SRPK2: variants seen among roughly 807,000 people sequenced by gnomAD.
The protein encoded by SRPK2 is SFRS protein kinase 2.
Under a neutral mutation model 90.8 loss-of-function variants are expected in SRPK2, and 21 were observed. That is an observed-to-expected ratio of 0.23 (90% CI 0.16 to 0.33). SRPK2 has a LOEUF of 0.33. SRPK2 is among the 10% of genes least tolerant of loss of function. The pLI is 1.00. For missense variants in SRPK2, 620 were observed against 869.0 expected (o/e 0.71, Z 3.60); for synonymous variants, 288 against 311.1 (o/e 0.93, Z 0.78).
At chr7:105,193,065 T>A (rs930437327) in intron 3 of SRPK2, among the ~76,000 whole-genome samples, 3 of 152,230 alleles carry the variant, frequency 2.0e-5, no homozygotes, top group African/African-American at 7.2e-5. Context: ...GTATTTAACT[T>A]TGTTTTGATC....
intron 2 of SRPK2, among the ~76,000 whole-genome samples, chr7:105,262,846 G>A (rs938723728): frequency 2.0e-5 from 3 of 152,100 alleles, no homozygotes; most frequent in African/African-American, 7.2e-5. Context: ...GGAAAGGTAA[G>A]AGAAGGAAAA....
chr7:105,347,540 T>TGAGGGG (rs983940780), intron 2 of SRPK2, among the ~76,000 whole-genome samples: 3 of 151,548 alleles, frequency 2.0e-5, no homozygotes, highest in African/African-American at 7.3e-5. Context: ...AGCCGAAGAA[T>TGAGGGG]GAGGGGGAGG....
intron 2 of SRPK2, among the ~76,000 whole-genome samples, chr7:105,314,815 G>A (rs950497337): frequency 3.3e-5 from 5 of 152,144 alleles, no homozygotes; most frequent in East Asian, 3.8e-4. Flanking sequence ...CATAAATGTC[G>A]AATAATGAGA....
chr7:105,225,719 A>T (rs1433965009), intron 2 of SRPK2, among the ~76,000 whole-genome samples: 1 of 152,222 alleles, frequency 6.6e-6, no homozygotes, highest in Non-Finnish European at 1.5e-5. Context: ...TAGAGAAAAT[A>T]GTAAATAAAT....
intron 4 of SRPK2, among the ~76,000 whole-genome samples, chr7:105,168,554 T>C (rs1374426943): frequency 6.6e-6 from 1 of 152,140 alleles, no homozygotes; most frequent in African/African-American, 2.4e-5. Flanking sequence ...ACTTTTCAAA[T>C]GGTGGGGCCA....
intron 2 of SRPK2, among the ~76,000 whole-genome samples, chr7:105,248,772 T>C (rs563178384): frequency 6.6e-6 from 1 of 151,870 alleles, no homozygotes; most frequent in African/African-American, 2.4e-5. Context: ...AAACCCCGTC[T>C]CTACTAAAAA....
At chr7:105,319,439 A>C (rs1039778727) in intron 2 of SRPK2, among the ~76,000 whole-genome samples, 4 of 127,506 alleles carry the variant, frequency 3.1e-5, no homozygotes, top group Non-Finnish European at 4.7e-5. Flanking sequence ...TAAGAAACAT[A>C]CTGGTGATTA....
chr7:105,265,411 A>AT (rs764902792), intron 2 of SRPK2, among the ~76,000 whole-genome samples: 10 of 152,160 alleles, frequency 6.6e-5, no homozygotes, highest in Non-Finnish European at 1.5e-4. Flanking sequence ...ACCATTTTAC[A>AT]TGAAGGACTT....
At chr7:105,254,642 TTATCGTTGAAG>T (rs1802974898) in intron 2 of SRPK2, among the ~76,000 whole-genome samples, 2 of 152,004 alleles carry the variant, frequency 1.3e-5, no homozygotes, top group Admixed American at 1.3e-4. Context: ...GGTGATGATG[TTATCGTTGAAG>T]TACATCTGCT....
intron 2 of SRPK2, among the ~76,000 whole-genome samples, chr7:105,327,110 C>T (rs188262070): frequency 6.6e-6 from 1 of 152,066 alleles, no homozygotes; most frequent in Non-Finnish European, 1.5e-5. Flanking sequence ...CAAAAGAGCC[C>T]CGATAATGAG....
At chr7:105,383,608 C>CG (rs924051576) in intron 2 of SRPK2, among the ~76,000 whole-genome samples, 7 of 150,956 alleles carry the variant, frequency 4.6e-5, no homozygotes, top group Non-Finnish European at 8.8e-5. Flanking sequence ...TTAGTAGAGA[C>CG]GGGGTTTCAC....
At position 105,187,735 on chromosome 7, in the gene SRPK2, G is replaced by A. The variant is rs543233771; in HGVS notation, c.229+15893C>T. 5.9e-5 allele frequency among the ~76,000 whole-genome samples: 9 copies of A among 152,284 alleles called. No homozygotes were observed. The East Asian group carries it at 1.2e-3, about 20-fold the overall frequency. ...TTTTGGTGTGGGTGTCTGACCAGAC[G>A]TTCAGGTTTAAAGTCTCATGGTGAA... On this transcript the variant is annotated intron_variant, in intron 3 of 15. Transcript: ENST00000393651.
At chr7:105,375,983 CTTTTTTTTTTT>C (rs34445430) in intron 2 of SRPK2, among the ~76,000 whole-genome samples, 5 of 63,144 alleles carry the variant, frequency 7.9e-5, no homozygotes, top group Non-Finnish European at 1.4e-4. Flanking sequence ...GAATTCATTT[CTTTTTTTTTTT>C]TTTTTTTTTT....
At position 105,160,263 on chromosome 7, in the gene SRPK2, AC is replaced by A. The variant is rs1018661737; in HGVS notation, c.621+243del. On this transcript the variant is annotated intron_variant, in intron 7 of 15. Transcript: ENST00000393651. The stretch of plus-strand genomic sequence containing the variant: ...CATGTCACATACCTTAAAAAAAAAA[AC>A]GACAGGCAAAAAACGTATGCCTGAC... The A allele has an allele frequency of 7.4e-4, 221 of 296,962 alleles. 1 individual carries two copies. Among genetic ancestry groups the A allele is most frequent in the African/African-American group, 4.0e-3 (184 of 46,198 alleles). The allele number at this position is 296,962 out of a possible 1,614,324, so 18.4% of individuals were successfully genotyped here.
intron 2 of SRPK2, among the ~76,000 whole-genome samples, chr7:105,310,836 T>C (rs947997512): frequency 6.6e-6 from 1 of 152,236 alleles, no homozygotes; most frequent in East Asian, 1.9e-4. Context: ...ATTATAAGTC[T>C]ACTCAAACTT....
intron 2 of SRPK2, among the ~76,000 whole-genome samples, chr7:105,382,011 T>C (rs1821002872): frequency 6.6e-6 from 1 of 151,740 alleles, no homozygotes; most frequent in Non-Finnish European, 1.5e-5. Flanking sequence ...CTACTAAAAA[T>C]ACAAAAATTA....
intron 3 of SRPK2, among the ~76,000 whole-genome samples, chr7:105,201,258 A>G (rs1795512295): frequency 1.3e-5 from 2 of 152,154 alleles, no homozygotes; most frequent in African/African-American, 4.8e-5. Flanking sequence ...TGTCACATGT[A>G]ATGCTAACTA....
intron 3 of SRPK2, among the ~76,000 whole-genome samples, chr7:105,175,667 A>G (rs1476023874): frequency 5.9e-5 from 9 of 152,166 alleles, no homozygotes; most frequent in Non-Finnish European, 2.9e-5. Context: ...AATTACCATC[A>G]TGAGCAATGA....
intron 15 of SRPK2, 56 bp downstream of exon 15, chr7:105,126,192 G>A (rs1471290136): frequency 1.5e-6 from 2 of 1,359,350 alleles, no homozygotes; most frequent in Non-Finnish European, 1.0e-6. Context: ...AAAATCAGCA[G>A]CTGCTCTTCA....
Sources: allele counts gnomAD v4.1 joint callset (sites outside exome capture counted in the v4.1 genomes callset), GRCh38; gene constraint gnomAD v4.1.1; transcripts MANE v1.5; gene names NCBI Gene and HGNC (gene_info 2026-07-23, HGNC 2026-07-21).